The following HS2ST1 variants were observed in gnomAD, a reference collection of about 807,000 sequenced individuals.
HS2ST1 encodes 2-O-sulfotransferase.
Under a neutral mutation model 42.9 loss-of-function variants are expected in HS2ST1, and 18 were observed. The ratio of observed to expected loss-of-function variants is 0.42; its 90% confidence interval spans 0.29 to 0.62. HS2ST1 has a LOEUF of 0.62. HS2ST1 is among the 20% of genes least tolerant of loss of function. HS2ST1 has a pLI of 0.21. For missense variants in HS2ST1, 334 were observed against 433.8 expected, an observed-to-expected ratio of 0.77 and a Z score of 2.04; for synonymous variants, 146 against 152.9, an observed-to-expected ratio of 0.95 and a Z score of 0.33.
intron 1 of HS2ST1, among the ~76,000 whole-genome samples, chr1:87,048,224 A>G (rs575679049): frequency 2.0e-5 from 3 of 152,312 alleles, no homozygotes; most frequent in South Asian, 2.1e-4. Flanking sequence ...GTAATATACA[A>G]TTGATTTAGG....
chr1:86,967,533 A>G (rs537896829), intron 1 of HS2ST1, among the ~76,000 whole-genome samples: 1 of 152,314 alleles, frequency 6.6e-6, no homozygotes, highest in South Asian at 2.1e-4. Context: ...CCTACTTATA[A>G]GTGAGAACAT....
chr1:86,967,968 AT>A (rs1416940192), intron 1 of HS2ST1, among the ~76,000 whole-genome samples: 1 of 152,204 alleles, frequency 6.6e-6, no homozygotes, highest in Non-Finnish European at 1.5e-5. Flanking sequence ...GTATTGTTTT[AT>A]GACTTTTTAA....
chr1:86,983,754 T>C (rs909468486), intron 1 of HS2ST1, among the ~76,000 whole-genome samples: 1 of 149,466 alleles, frequency 6.7e-6, no homozygotes, highest in Non-Finnish European at 1.5e-5. Flanking sequence ...AAAAAAAAAT[T>C]TGGCAAGGCA....
intron 1 of HS2ST1, among the ~76,000 whole-genome samples, chr1:86,977,624 A>G (rs570820212): frequency 6.6e-6 from 1 of 152,336 alleles, no homozygotes; most frequent in African/African-American, 2.4e-5. Context: ...GAAGATACTC[A>G]CTTAATACCT....
intron 1 of HS2ST1, among the ~76,000 whole-genome samples, chr1:86,963,750 C>CCA (rs1222975638): frequency 6.7e-6 from 1 of 149,386 alleles, no homozygotes; most frequent in Admixed American, 6.6e-5. Flanking sequence ...AGGCGCCCCC[C>CCA]CCCCCACCTC....
chr1:87,089,255 G>A (rs1194692810), intron 3 of HS2ST1, among the ~76,000 whole-genome samples: 3 of 152,070 alleles, frequency 2.0e-5, no homozygotes, highest in African/African-American at 4.8e-5. Context: ...GTCACACTTC[G>A]TATGCTGACA....
intron 4 of HS2ST1, among the ~76,000 whole-genome samples, chr1:87,094,570 G>A: frequency 6.6e-6 from 1 of 152,030 alleles, no homozygotes; most frequent in African/African-American, 2.4e-5. Flanking sequence ...TTAAAACCAA[G>A]CACTCTAATT....
chr1:87,036,227 A>C (rs1650371934), intron 1 of HS2ST1, among the ~76,000 whole-genome samples: 3 of 152,152 alleles, frequency 2.0e-5, no homozygotes, highest in African/African-American at 7.2e-5. Context: ...GTTGGTTCCA[A>C]GTCTTTGCTA....
intron 1 of HS2ST1, among the ~76,000 whole-genome samples, chr1:87,003,509 T>C (rs1649349248): frequency 6.6e-6 from 1 of 152,216 alleles, no homozygotes; most frequent in African/African-American, 2.4e-5. Context: ...TTGCATATTC[T>C]GGGTTTGTGT....
intron 1 of HS2ST1, among the ~76,000 whole-genome samples, chr1:87,020,658 G>C (rs938049271): frequency 1.3e-5 from 2 of 152,196 alleles, no homozygotes; most frequent in Non-Finnish European, 2.9e-5. Context: ...AGGAGATCAA[G>C]GTGTTGGCAG....
chr1:86,983,965 A>G (rs1648678667), intron 1 of HS2ST1, among the ~76,000 whole-genome samples: 1 of 151,770 alleles, frequency 6.6e-6, no homozygotes, highest in South Asian at 2.1e-4. Flanking sequence ...GCTTGAACCC[A>G]GGAGGCAAAG....
In HS2ST1 at chr1:87,105,280, T is replaced by C. The variant is rs549008520; in HGVS notation, c.*584T>C. ...TGGTTTTAATTTTTTAAATGGTGAT[T>C]AGTGTTAAAAATCAATTTAAATCAT... On this transcript the variant is annotated 3_prime_UTR_variant, in exon 7 of 7. Coordinates refer to ENST00000370550, the MANE Select transcript of HS2ST1 (RefSeq NM_012262.4). 6.5e-6 allele frequency: 1 copy of C among 152,742 alleles called. No individual in the cohort carries two copies. The highest frequency in any genetic ancestry group is 2.1e-4 in the South Asian group (1 of 4,830). 9.5% of individuals were successfully genotyped at this position (152,742 alleles called of 1,614,324 possible).
chr1:87,102,585 C>CT (rs1652239213), intron 5 of HS2ST1, among the ~76,000 whole-genome samples: 2 of 152,268 alleles, frequency 1.3e-5, no homozygotes, highest in African/African-American at 4.8e-5. Flanking sequence ...AAATATTTAT[C>CT]CTCTGGCCTT....
intron 2 of HS2ST1, among the ~76,000 whole-genome samples, chr1:87,081,131 C>T (rs1299861006): frequency 6.6e-6 from 1 of 152,202 alleles, no homozygotes; most frequent in Admixed American, 6.5e-5. Flanking sequence ...GAAGACCCTT[C>T]TTTCAGCACT....
intron 1 of HS2ST1, among the ~76,000 whole-genome samples, chr1:87,004,704 C>A (rs1260533623): frequency 6.6e-6 from 1 of 152,124 alleles, no homozygotes; most frequent in Non-Finnish European, 1.5e-5. Flanking sequence ...AATATCCTTT[C>A]TAGAAATATT....
intron 5 of HS2ST1, 141 bp from the exon 6 acceptor site, chr1:87,103,291 C>T: frequency 1.5e-6 from 1 of 656,016 alleles, no homozygotes; most frequent in Non-Finnish European, 2.4e-6. Context: ...GTGTGCCTCC[C>T]ACAGGATGGT....
intron 1 of HS2ST1, among the ~76,000 whole-genome samples, chr1:87,056,860 G>A (rs1056507006): frequency 4.6e-5 from 7 of 151,988 alleles, no homozygotes; most frequent in African/African-American, 1.7e-4. Context: ...TCATTAATAT[G>A]GTTTTCTATC....
rs138055890 is a variant in HS2ST1, at chr1:87,054,914, C to T, written c.125-18020C>T. 5.0e-4 allele frequency among the ~76,000 whole-genome samples: 76 copies of T among 152,290 alleles called. 1 individual carries two copies. The East Asian group carries it at 0.013, about 27-fold the overall frequency. On this transcript the variant is annotated intron_variant, in intron 1 of 6. Coordinates refer to ENST00000370550, the MANE Select transcript of HS2ST1 (RefSeq NM_012262.4). Reference sequence around the variant, plus strand: ...CTTGTGTAGTAAACAATCGAGATTTCGTTACAACAGCTGATGTTTCCCTAA... The same window carrying T: ...CTTGTGTAGTAAACAATCGAGATTTTGTTACAACAGCTGATGTTTCCCTAA...
chr1:87,026,131 G>A (rs559211827), intron 1 of HS2ST1, among the ~76,000 whole-genome samples: 2 of 152,238 alleles, frequency 1.3e-5, no homozygotes, highest in African/African-American at 2.4e-5. Context: ...ATGTGCAGAC[G>A]TAACTAAGAC....
Sources: gnomAD v4.1 joint callset for allele counts (sites outside exome capture counted in the v4.1 genomes callset) on GRCh38, gnomAD v4.1.1 for gene constraint, MANE v1.5 for transcripts, NCBI Gene and HGNC (gene_info 2026-07-23, HGNC 2026-07-21) for gene names.